Variants in GCH1 observed in about 807,000 individuals in gnomAD.
GCH1 encodes GTP cyclohydrolase 1, also known as GTP cyclohydrolase I.
Under a neutral mutation model 25.9 loss-of-function variants are expected in GCH1, and 5 were observed. That is an observed-to-expected ratio of 0.19 (90% CI 0.10 to 0.41). The LOEUF is 0.41. GCH1 is among the 10% of genes least tolerant of loss of function. The pLI is 1.00. For synonymous variants in GCH1, 159 were observed against 129.6 expected (o/e 1.23, Z -1.54); for missense variants, 261 against 336.5 (o/e 0.78, Z 1.75).
intron 3 of GCH1, among the ~76,000 whole-genome samples, chr14:54,853,758 G>A (rs1171292641): frequency 1.3e-5 from 2 of 151,184 alleles, no homozygotes; most frequent in African/African-American, 4.9e-5. Flanking sequence ...TTTAATGCTA[G>A]GCTTATCAGG....
rs1274189291 is a variant in GCH1, at chr14:54,880,663, TATATATATATACTCCATATATATATACTC to T, written c.344-15256_344-15228del. On this transcript the variant is annotated intron_variant, in intron 1 of 5. Coordinates refer to ENST00000491895, the MANE Select transcript of GCH1 (RefSeq NM_000161.3). ...ATATACTCCATATATATATACTCCATATATATATATACTCCATATATATATACTCATATATATATACTCCATATATATAT... is the reference window on the plus strand; with the variant it reads ...ATATACTCCATATATATATACTCCATATATATATATACTCCATATATATAT... 6.1e-3 allele frequency among the ~76,000 whole-genome samples: 43 copies of T among 7,106 alleles called. 15 individuals are homozygous for T. Among genetic ancestry groups the T allele is most frequent in the Non-Finnish European group, 7.0e-3 (24 of 3,430 alleles). The allele number at this position is 7,106 out of a possible 152,430, so 4.7% of individuals were successfully genotyped here.
Position 54,842,878 on chromosome 14 carries a change from T to C in GCH1, c.*1139A>G. 1.4e-5 allele frequency: 7 copies of C among 502,728 alleles called. No individual in the cohort carries two copies. In the Middle Eastern group the frequency reaches 1.1e-3, roughly 81 times the overall value. The allele number at this position is 502,728 out of a possible 1,614,324, so 31.1% of individuals were successfully genotyped here. A position where few individuals can be genotyped will look rare whatever the true frequency, so the allele number is the denominator to read the frequency against. Reference sequence around the variant, plus strand: ...CTATACCATCTATACGGAGTTACAATGAGGACAAGACCCACATAGACCACA... The same window carrying C: ...CTATACCATCTATACGGAGTTACAACGAGGACAAGACCCACATAGACCACA... On this transcript the variant is annotated 3_prime_UTR_variant, in exon 6 of 6. Transcript: ENST00000491895.
Position 54,893,534 on chromosome 14 carries a change from C to G in GCH1, c.343+8787G>C, listed in dbSNP as rs116213604. On this transcript the variant is annotated intron_variant, in intron 1 of 5. Coordinates refer to ENST00000491895, the MANE Select transcript of GCH1 (RefSeq NM_000161.3). ...GATAGGTGAGGAAGAAGGGAGAAAT[C>G]ATTCAAATAAATCAGTAAAATATTA... 9.4e-3 allele frequency among the ~76,000 whole-genome samples: 1,434 copies of G among 152,252 alleles called. 28 individuals carry two copies. Among genetic ancestry groups the G allele is most frequent in the African/African-American group, 0.032 (1,347 of 41,526 alleles).
chr14:54,880,460 TACTCCATATATATATATAC>T (rs1566676754), intron 1 of GCH1, among the ~76,000 whole-genome samples: 1 of 95,106 alleles, frequency 1.1e-5, no homozygotes, highest in Non-Finnish European at 1.9e-5. Context: ...TATAAATATA[TACTCCATATATATATATAC>T]ACTCCATATA....
intron 2 of GCH1, among the ~76,000 whole-genome samples, chr14:54,861,683 A>T (rs1472524761): frequency 6.6e-6 from 1 of 151,572 alleles, no homozygotes; most frequent in Non-Finnish European, 1.5e-5. Flanking sequence ...AGATCGCACC[A>T]CTGCACTCCA....
intron 1 of GCH1, among the ~76,000 whole-genome samples, chr14:54,873,166 A>C (rs1386884403): frequency 1.3e-5 from 2 of 152,198 alleles, no homozygotes; most frequent in Non-Finnish European, 2.9e-5. Flanking sequence ...AGTGCAATCA[A>C]ACTAGAACTC....
At chr14:54,871,448 C>T (rs764497799) in intron 1 of GCH1, among the ~76,000 whole-genome samples, 3 of 152,316 alleles carry the variant, frequency 2.0e-5, no homozygotes, top group Middle Eastern at 3.4e-3. Context: ...TGCATCTCCT[C>T]CTCCAAAGGA....
At chr14:54,890,435 T>C (rs187605368) in intron 1 of GCH1, among the ~76,000 whole-genome samples, 178 of 152,168 alleles carry the variant, frequency 1.2e-3, no homozygotes, top group African/African-American at 3.9e-3. Context: ...GAGGTGGAGG[T>C]TGCGGTGAGA....
intron 3 of GCH1, among the ~76,000 whole-genome samples, chr14:54,851,657 T>C (rs2039732636): frequency 6.6e-6 from 1 of 151,954 alleles, no homozygotes; most frequent in South Asian, 2.1e-4. Flanking sequence ...GAAATGCAAA[T>C]CAAAACCACA....
At chr14:54,875,588 A>T (rs2040146828) in intron 1 of GCH1, among the ~76,000 whole-genome samples, 1 of 152,230 alleles carries the variant, frequency 6.6e-6, no homozygotes, top group Admixed American at 6.5e-5. Flanking sequence ...ACAAAGGGCT[A>T]ATATCCAGAA....
chr14:54,843,934 T>C lies in GCH1; in HGVS notation c.*83A>G. 1.9e-6 allele frequency: 3 copies of C among 1,613,252 alleles called. No homozygotes were observed. Among genetic ancestry groups the C allele is most frequent in the Non-Finnish European group, 2.5e-6 (3 of 1,179,668 alleles). On this transcript the variant is annotated 3_prime_UTR_variant, in exon 6 of 6. Transcript: ENST00000491895. ...AGTTCACATCTGTAACAATTGAAAA[T>C]GGAATGTACAAACAAGACCGGACAG...
rs2039575307 is a variant in GCH1 at position 54,842,608 on chromosome 14, A to T, written c.*1409T>A. ...TGCCATCTTGCCCCATCATAACCCAAATAGCATCAAAGTGGCAGAGATGGG... is the reference window on the plus strand; with the variant it reads ...TGCCATCTTGCCCCATCATAACCCATATAGCATCAAAGTGGCAGAGATGGG... On this transcript the variant is annotated 3_prime_UTR_variant, in exon 6 of 6. Coordinates refer to ENST00000491895, the MANE Select transcript of GCH1 (RefSeq NM_000161.3). The T allele has an allele frequency of 6.1e-6, 1 of 164,770 alleles. No homozygotes were observed. The highest frequency in any genetic ancestry group is 1.7e-4 in the East Asian group (1 of 5,984). The allele number at this position is 164,770 out of a possible 1,614,324, so 10.2% of individuals were successfully genotyped here. A position where few individuals can be genotyped will look rare whatever the true frequency, so the allele number is the denominator to read the frequency against.
At chr14:54,863,069 A>G (rs1172657029) in intron 2 of GCH1, among the ~76,000 whole-genome samples, 1 of 152,188 alleles carries the variant, frequency 6.6e-6, no homozygotes, top group African/African-American at 2.4e-5. Flanking sequence ...ATTCGTTATT[A>G]GACACTATTT....
chr14:54,846,190 T>C (rs975758312), intron 4 of GCH1, among the ~76,000 whole-genome samples: 3 of 152,204 alleles, frequency 2.0e-5, no homozygotes, highest in African/African-American at 7.2e-5. Flanking sequence ...GGTAAAGTAG[T>C]GCAGCAAATA....
intron 3 of GCH1, among the ~76,000 whole-genome samples, chr14:54,858,972 A>G (rs542544147): frequency 6.6e-6 from 1 of 152,380 alleles, no homozygotes; most frequent in South Asian, 2.1e-4. Context: ...CCCACAGGAT[A>G]AACAACAGAA....
chr14:54,874,261 T>A (rs1206965635), intron 1 of GCH1, among the ~76,000 whole-genome samples: 1 of 152,170 alleles, frequency 6.6e-6, no homozygotes, highest in Non-Finnish European at 1.5e-5. Context: ...ATCTCAATAG[T>A]TACAGAAAAG....
intron 1 of GCH1, among the ~76,000 whole-genome samples, chr14:54,866,457 T>C (rs1269960543): frequency 3.3e-5 from 5 of 151,522 alleles, no homozygotes; most frequent in Admixed American, 2.0e-4. Flanking sequence ...AAAATAAATA[T>C]AGACATAGAA....
intron 1 of GCH1, chr14:54,885,240 C>T: frequency 4.8e-6 from 1 of 209,090 alleles, no homozygotes; most frequent in Non-Finnish European, 1.0e-5. Context: ...CTGACGCCTG[C>T]CATAGACATG....
chr14:54,870,783 C>T (rs558131837), intron 1 of GCH1, among the ~76,000 whole-genome samples: 131 of 152,298 alleles, frequency 8.6e-4, no homozygotes, highest in African/African-American at 2.8e-3. Context: ...AACTGCAAGG[C>T]GGCAGCGAGG....
Sources: gnomAD v4.1 joint callset for allele counts (sites outside exome capture counted in the v4.1 genomes callset) on GRCh38, gnomAD v4.1.1 for gene constraint, MANE v1.5 for transcripts, NCBI Gene and HGNC (gene_info 2026-07-23, HGNC 2026-07-21) for gene names.